The following ROR2 variants were observed in gnomAD, a reference collection of about 807,000 sequenced individuals.
ROR2 encodes ROR family WNT receptor 2, also known as tyrosine-protein kinase transmembrane receptor ROR2.
A neutral mutation model predicts 74.9 loss-of-function variants in ROR2; 33 were observed. That is an observed-to-expected ratio of 0.44 (90% CI 0.33 to 0.59). ROR2 has a LOEUF of 0.59. Among genes scored for constraint, ROR2 ranks in the 20% least tolerant of loss-of-function variants. ROR2 has a pLI of 0.02. For synonymous variants in ROR2, 586 were observed against 558.7 expected (o/e 1.05, Z -0.69); for missense variants, 1,216 against 1,313.8 (o/e 0.93, Z 1.15).
chr9:91,730,193 T>G (rs575861090), intron 7 of ROR2, among the ~76,000 whole-genome samples: 1 of 152,186 alleles, frequency 6.6e-6, no homozygotes, highest in Non-Finnish European at 1.5e-5. Flanking sequence ...TCCACCCGTC[T>G]TGGCCTCCCA....
intron 4 of ROR2, among the ~76,000 whole-genome samples, 160 bp from the exon 5 acceptor site, chr9:91,737,678 T>C (rs897768914): frequency 1.3e-5 from 2 of 152,202 alleles, no homozygotes; most frequent in African/African-American, 4.8e-5. Flanking sequence ...CACAAAAACC[T>C]GTATGTAAAT....
chr9:91,935,014 A>C (rs1182896709), intron 1 of ROR2, among the ~76,000 whole-genome samples: 6 of 152,190 alleles, frequency 3.9e-5, no homozygotes, highest in Non-Finnish European at 2.9e-5. Flanking sequence ...TACGTTCTTG[A>C]CAGCACTGTT....
At chr9:91,832,319 A>C (rs1828484498) in intron 1 of ROR2, among the ~76,000 whole-genome samples, 2 of 150,292 alleles carry the variant, frequency 1.3e-5, no homozygotes, top group African/African-American at 4.9e-5. Context: ...ATGAGATGTT[A>C]AATGAGAAGT....
chr9:91,798,642 A>AGCTGACACCCTGGGCTCTGTGGGTGGG (rs1327140188), intron 1 of ROR2, among the ~76,000 whole-genome samples: 6 of 61,934 alleles, frequency 9.7e-5, no homozygotes, highest in Non-Finnish European at 1.8e-4. Context: ...TCTGTGGGCG[A>AGCTGACACCCTGGGCTCTGTGGGTGGG]GCTGACACCC....
intron 1 of ROR2, among the ~76,000 whole-genome samples, chr9:91,909,960 C>T (rs1023695461): frequency 6.9e-6 from 1 of 143,916 alleles, no homozygotes; most frequent in Non-Finnish European, 1.5e-5. Context: ...CTCCCGGGTT[C>T]AAGTGATTCT....
intron 1 of ROR2, among the ~76,000 whole-genome samples, chr9:91,798,952 CAGAG>C (rs1827283562): frequency 6.6e-6 from 1 of 152,142 alleles, no homozygotes; most frequent in African/African-American, 2.4e-5. Context: ...AGTGCCTTCA[CAGAG>C]AAAGAGCAAC....
At chr9:91,945,071 C>T (rs1259025929) in intron 1 of ROR2, among the ~76,000 whole-genome samples, 1 of 150,392 alleles carries the variant, frequency 6.6e-6, no homozygotes, top group Non-Finnish European at 1.5e-5. Context: ...CAGAGCAAGA[C>T]CTTAACTCAA....
At chr9:91,771,231 G>A (rs907042442) in intron 2 of ROR2, among the ~76,000 whole-genome samples, 3 of 152,304 alleles carry the variant, frequency 2.0e-5, no homozygotes, top group South Asian at 2.1e-4. Flanking sequence ...ACAGCTCGCC[G>A]GGTCTATTTT....
At chr9:91,866,928 C>T (rs1029196152) in intron 1 of ROR2, among the ~76,000 whole-genome samples, 3 of 152,180 alleles carry the variant, frequency 2.0e-5, no homozygotes, top group African/African-American at 7.2e-5. Flanking sequence ...TCTGCACATC[C>T]TCCTCAAAAT....
At chr9:91,792,413 A>G (rs1432497229) in intron 1 of ROR2, among the ~76,000 whole-genome samples, 1 of 145,762 alleles carries the variant, frequency 6.9e-6, no homozygotes, top group Non-Finnish European at 1.5e-5. Context: ...GGTTCACACC[A>G]TTCTCCTGCC....
chr9:91,845,153 G>A (rs1258263019), intron 1 of ROR2, among the ~76,000 whole-genome samples: 3 of 151,998 alleles, frequency 2.0e-5, no homozygotes, highest in African/African-American at 4.8e-5. Context: ...TCTGTCCAGC[G>A]ACTCAAGAGC....
chr9:91,928,526 C>T (rs886470371), intron 1 of ROR2, among the ~76,000 whole-genome samples: 1 of 152,310 alleles, frequency 6.6e-6, no homozygotes, highest in Non-Finnish European at 1.5e-5. Flanking sequence ...AGGAAAGAGG[C>T]AGACTGTGGG....
At chr9:91,780,786 A>C (rs1826593625) in intron 1 of ROR2, among the ~76,000 whole-genome samples, 1 of 152,186 alleles carries the variant, frequency 6.6e-6, no homozygotes, top group South Asian at 2.1e-4. Flanking sequence ...GCAAGACTCC[A>C]TCTCAAAAAA....
chr9:91,947,168 GCA>G (rs1832033716), intron 1 of ROR2, among the ~76,000 whole-genome samples: 1 of 152,144 alleles, frequency 6.6e-6, no homozygotes, highest in African/African-American at 2.4e-5. Context: ...CCTGGAAAAC[GCA>G]CATTTTAAAA....
At position 91,876,824 on chromosome 9, in the gene ROR2, A is replaced by C. The variant is rs1239852174; in HGVS notation, c.97+73043T>G. ...AAATTCCACAGTGAGGAGAAGAAAG[A>C]AGTAAAGAGGAGCTTCAGAAAGAAC... On this transcript the variant is annotated intron_variant, in intron 1 of 8. Coordinates refer to ENST00000375708, the MANE Select transcript of ROR2 (RefSeq NM_004560.4). Among the ~76,000 whole-genome samples, 10 of 152,256 alleles carry C rather than the reference A, an allele frequency of 6.6e-5. No individual in the cohort carries two copies. In the South Asian group the frequency reaches 2.1e-3, roughly 32 times the overall value.
chr9:91,855,166 C>CCG (rs1829239999), intron 1 of ROR2, among the ~76,000 whole-genome samples: 8 of 152,188 alleles, frequency 5.3e-5, no homozygotes, highest in African/African-American at 1.7e-4. Flanking sequence ...TCCCCTTATC[C>CCG]CACAGGACCC....
intron 1 of ROR2, among the ~76,000 whole-genome samples, chr9:91,828,471 T>C (rs1259708767): frequency 6.6e-6 from 1 of 152,224 alleles, no homozygotes; most frequent in African/African-American, 2.4e-5. Context: ...CCCAGCACTT[T>C]GTGATGCCGA....
chr9:91,896,915 G>T (rs573872894), intron 1 of ROR2, among the ~76,000 whole-genome samples: 2 of 152,226 alleles, frequency 1.3e-5, no homozygotes, highest in South Asian at 4.1e-4. Flanking sequence ...AGCAAACACC[G>T]TTGGGCTCCA....
intron 1 of ROR2, among the ~76,000 whole-genome samples, chr9:91,943,838 T>C (rs996485345): frequency 2.6e-5 from 4 of 152,196 alleles, no homozygotes; most frequent in Admixed American, 2.0e-4. Context: ...AATGTTAGCA[T>C]GTTCTAAAAG....
Sources: gnomAD v4.1 joint callset for allele counts (sites outside exome capture counted in the v4.1 genomes callset) on GRCh38, gnomAD v4.1.1 for gene constraint, MANE v1.5 for transcripts, NCBI Gene and HGNC (gene_info 2026-07-23, HGNC 2026-07-21) for gene names.